The following UVSSA variants were observed in gnomAD, a reference collection of about 807,000 sequenced individuals.
The protein encoded by UVSSA is UV stimulated scaffold protein A.
Under a neutral mutation model 73.9 loss-of-function variants are expected in UVSSA, and 72 were observed. The observed-to-expected ratio is 0.97, with a 90% CI of 0.81 to 1.19. UVSSA has a LOEUF of 1.19. Ranked by LOEUF, UVSSA falls within the 50% of genes most tolerant of loss-of-function variation. UVSSA has a pLI of 0.00. For missense variants in UVSSA, 1,150 were observed against 965.0 expected, an observed-to-expected ratio of 1.19 and a Z score of -2.54; for synonymous variants, 454 against 391.3, an observed-to-expected ratio of 1.16 and a Z score of -1.89.
At chr4:1,352,917 C>G (rs895959587) in intron 4 of UVSSA, 113 bp from the exon 5 acceptor site, 2 of 1,383,778 alleles carry the variant, frequency 1.4e-6, no homozygotes, top group African/African-American at 1.4e-5. Flanking sequence ...TGCATTCCAC[C>G]TGGTGCTGAA....
Position 1,361,130 on chromosome 4 carries a change from C to A in UVSSA, c.1177-5190C>A, listed in dbSNP as rs574400326. 2.2e-3 allele frequency among the ~76,000 whole-genome samples: 336 copies of A among 152,336 alleles called. 1 individual carries two copies. The highest frequency in any genetic ancestry group is 7.7e-3 in the African/African-American group (322 of 41,572). On this transcript the variant is annotated intron_variant, in intron 7 of 13. Coordinates refer to ENST00000389851, the MANE Select transcript of UVSSA (RefSeq NM_020894.4). ...CCCGGGGACCCAGCAGAAATTTTGC[C>A]CCTAGCCTAGCTCTGGAATCGACCT...
intron 5 of UVSSA, 34 bp from the exon 6 acceptor site, chr4:1,354,701 C>T (rs761018875): frequency 4.4e-6 from 7 of 1,589,740 alleles, no homozygotes; most frequent in South Asian, 2.2e-5. Context: ...CGCCAGTCGG[C>T]GCCCTCTTGT....
rs1261153679 is a variant in UVSSA at position 1,351,756 on chromosome 4, G to C, written c.471G>C (p.Arg157Ser). 1 of 1,613,546 alleles carries C rather than the reference G, an allele frequency of 6.2e-7. No homozygotes were observed. The highest frequency in any genetic ancestry group is 1.3e-5 in the African/African-American group (1 of 74,942). Residue 157 changes from arginine (R) to serine (S), a missense_variant, in exon 4 of 14, where the codon AGG becomes AGC. Arg to Ser is a moderately radical substitution (Grantham distance 110, BLOSUM62 -1). Coordinates refer to ENST00000389851, the MANE Select transcript of UVSSA (RefSeq NM_020894.4). Reference sequence around the variant, plus strand: ...CGAATGCTCGGAGTCTGGCAGAAAGGAAGAGAGAAGAGGAGAAGCAGAAGC... The same window carrying C: ...CGAATGCTCGGAGTCTGGCAGAAAGCAAGAGAGAAGAGGAGAAGCAGAAGC... ...QDTNARSLAE[R>S]KREEEKQKHL...
chr4:1,347,405 A>G lies in UVSSA; in HGVS notation c.-358A>G, dbSNP rs1267965742. On this transcript the variant is annotated 5_prime_UTR_variant, in exon 1 of 14. Coordinates refer to ENST00000389851, the MANE Select transcript of UVSSA (RefSeq NM_020894.4). Reference sequence around the variant, plus strand: ...AGTGACAGGCCGCAGCCCCCCGAGCACCGTCGAAGCCGGCGCGCCCGCCCG... The same window carrying G: ...AGTGACAGGCCGCAGCCCCCCGAGCGCCGTCGAAGCCGGCGCGCCCGCCCG... The G allele has an allele frequency of 6.6e-6, 1 of 152,110 alleles. No homozygotes were observed. The highest frequency in any genetic ancestry group is 1.9e-4 in the East Asian group (1 of 5,190). The allele number at this position is 152,110 out of a possible 1,614,324, so 9.4% of individuals were successfully genotyped here. A position where few individuals can be genotyped will look rare whatever the true frequency, so the allele number is the denominator to read the frequency against.
chr4:1,344,939 A>C (rs1170092892), upstream of UVSSA, among the ~76,000 whole-genome samples: 3 of 152,198 alleles, frequency 2.0e-5, no homozygotes, highest in African/African-American at 7.2e-5. Flanking sequence ...CGCTCCCCAG[A>C]GGCCGTGTGG....
rs184083087 is a variant in UVSSA at position 1,366,162 on chromosome 4, A to G, written c.1177-158A>G. 1.3e-5 allele frequency: 8 copies of G among 631,092 alleles called. No individual in the cohort carries two copies. In the African/African-American group the frequency reaches 1.5e-4, roughly 12 times the overall value. The allele number at this position is 631,092 out of a possible 1,614,324, so 39.1% of individuals were successfully genotyped here. On this transcript the variant is annotated intron_variant, in intron 7 of 13. Transcript: ENST00000389851. Reference sequence around the variant, plus strand: ...TTTTGGGGAACAAGAACAGCCTTGGAGACGATCTTAAATGCAGTCCAACCG... The same window carrying G: ...TTTTGGGGAACAAGAACAGCCTTGGGGACGATCTTAAATGCAGTCCAACCG...
chr4:1,357,478 G>C (rs888836352), intron 7 of UVSSA, among the ~76,000 whole-genome samples: 2 of 152,268 alleles, frequency 1.3e-5, no homozygotes, highest in African/African-American at 4.8e-5. Context: ...GGGTTGGCTG[G>C]TGGAAGTGAA....
intron 12 of UVSSA, 108 bp downstream of exon 12, chr4:1,381,096 C>T (rs764713364): frequency 2.3e-4 from 239 of 1,035,786 alleles, no homozygotes; most frequent in Non-Finnish European, 3.3e-4. Context: ...CTGCCAGCTT[C>T]GTCCATGGAG....
intron 7 of UVSSA, among the ~76,000 whole-genome samples, chr4:1,359,913 C>G (rs1479717962): frequency 6.6e-6 from 1 of 152,174 alleles, no homozygotes; most frequent in African/African-American, 2.4e-5. Flanking sequence ...CCTTTTCCTG[C>G]TGTGCGTGAG....
chr4:1,359,400 A>G (rs1185751319), intron 7 of UVSSA: 1 of 152,204 alleles, frequency 6.6e-6, no homozygotes, highest in Non-Finnish European at 1.5e-5. Flanking sequence ...CGCTGAGCTG[A>G]TAAAAATCCT....
At chr4:1,377,519 G>A (rs568947172) in intron 10 of UVSSA, among the ~76,000 whole-genome samples, 4 of 152,192 alleles carry the variant, frequency 2.6e-5, no homozygotes, top group Admixed American at 2.6e-4. Context: ...GTCACACATT[G>A]CCACCAGGGG....
chr4:1,377,008 C>G (rs1577364494), intron 10 of UVSSA, among the ~76,000 whole-genome samples: 1 of 152,242 alleles, frequency 6.6e-6, no homozygotes, highest in East Asian at 1.9e-4. Flanking sequence ...CCCACAGCAC[C>G]CATTTCAAGG....
intron 7 of UVSSA, among the ~76,000 whole-genome samples, chr4:1,363,192 T>G (rs958323332): frequency 3.3e-5 from 5 of 152,092 alleles, no homozygotes; most frequent in African/African-American, 4.8e-5. Context: ...GAGGAAGCCC[T>G]GCGGCTGCCT....
At chr4:1,390,578 C>A (rs910487269), downstream of UVSSA, 1 of 152,272 alleles carries the variant, frequency 6.6e-6, no homozygotes, top group Non-Finnish European at 1.5e-5. Context: ...GCTACCATAC[C>A]TGGCCTGTTA....
chr4:1,384,148 G>GC, intron 13 of UVSSA: 2 of 626,786 alleles, frequency 3.2e-6, no homozygotes, highest in Non-Finnish European at 5.4e-6. Flanking sequence ...GCTCAGGAAC[G>GC]CCCCCCAGCA....
intron 7 of UVSSA, among the ~76,000 whole-genome samples, chr4:1,357,755 C>T (rs1409316855): frequency 6.6e-6 from 1 of 152,246 alleles, no homozygotes; most frequent in African/African-American, 2.4e-5. Flanking sequence ...TGCTGGCCTC[C>T]CAGACCTCTG....
At chr4:1,371,209 G>T (rs542553530) in intron 8 of UVSSA, among the ~76,000 whole-genome samples, 1 of 151,966 alleles carries the variant, frequency 6.6e-6, no homozygotes, top group East Asian at 1.9e-4. Flanking sequence ...AGGCCTGCAC[G>T]CTCTGCAGCT....
At chr4:1,344,959 C>T (rs1020854896), upstream of UVSSA, among the ~76,000 whole-genome samples, 4 of 152,182 alleles carry the variant, frequency 2.6e-5, no homozygotes, top group Non-Finnish European at 5.9e-5. Context: ...GCAGCAAGAG[C>T]AGGCTGGAGA....
At chr4:1,360,697 C>T (rs1158811240) in intron 7 of UVSSA, among the ~76,000 whole-genome samples, 2 of 152,130 alleles carry the variant, frequency 1.3e-5, no homozygotes, top group East Asian at 1.9e-4. Flanking sequence ...GTGTGTGTGA[C>T]TCACCAGAGC....
Sources: allele counts gnomAD v4.1 joint callset (sites outside exome capture counted in the v4.1 genomes callset), GRCh38; gene constraint gnomAD v4.1.1; transcripts MANE v1.5; gene names NCBI Gene and HGNC (gene_info 2026-07-23, HGNC 2026-07-21).